The following KCNQ5 variants were observed in gnomAD, a reference collection of about 807,000 sequenced individuals.
KCNQ5 encodes potassium voltage-gated channel subfamily Q member 5, also known as potassium voltage-gated channel subfamily KQT member 5.
Under a neutral mutation model 98.2 loss-of-function variants are expected in KCNQ5, and 30 were observed. The ratio of observed to expected loss-of-function variants is 0.31; its 90% CI spans 0.23 to 0.41. The LOEUF (loss-of-function observed/expected upper bound fraction) is 0.41, where lower values mean the gene tolerates loss of function less well. Among genes scored for constraint, KCNQ5 ranks in the 10% least tolerant of loss-of-function variants. The pLI, the probability that KCNQ5 is intolerant of heterozygous loss-of-function variation, is 1.00. For missense variants in KCNQ5, 835 were observed against 1,182.5 expected (o/e 0.71, Z 4.31); for synonymous variants, 458 against 449.4 (o/e 1.02, Z -0.24).
chr6:72,928,702 G>T (rs1045358030), intron 1 of KCNQ5, among the ~76,000 whole-genome samples: 1 of 152,016 alleles, frequency 6.6e-6, no homozygotes, highest in African/African-American at 2.4e-5. Context: ...TATAGATATA[G>T]GTATGGAGTA....
chr6:72,652,436 C>T (rs1765925197), intron 1 of KCNQ5, among the ~76,000 whole-genome samples: 1 of 151,766 alleles, frequency 6.6e-6, no homozygotes, highest in Non-Finnish European at 1.5e-5. Context: ...TTTTCCCCCT[C>T]CCTCTTTACC....
At chr6:72,950,193 T>C (rs541334460) in intron 1 of KCNQ5, among the ~76,000 whole-genome samples, 3 of 152,332 alleles carry the variant, frequency 2.0e-5, no homozygotes, top group Non-Finnish European at 4.4e-5. Flanking sequence ...CTTGCTGCTT[T>C]TTAAAAAAAT....
At chr6:72,803,039 T>C (rs1320745490) in intron 1 of KCNQ5, among the ~76,000 whole-genome samples, 4 of 152,248 alleles carry the variant, frequency 2.6e-5, no homozygotes, top group East Asian at 1.9e-4. Flanking sequence ...TTCTAAGAGA[T>C]TGCACCAGGA....
intron 1 of KCNQ5, among the ~76,000 whole-genome samples, chr6:72,876,217 G>A (rs571346770): frequency 1.4e-4 from 21 of 152,024 alleles, no homozygotes; most frequent in Non-Finnish European, 2.5e-4. Flanking sequence ...CAGTAATTTC[G>A]TGGATAAATT....
At chr6:73,078,849 G>A (rs1176684698) in intron 5 of KCNQ5, among the ~76,000 whole-genome samples, 1 of 152,208 alleles carries the variant, frequency 6.6e-6, no homozygotes, top group African/African-American at 2.4e-5. Context: ...GTTTTCCACT[G>A]AAGCAAAAAT....
chr6:72,823,029 T>C (rs1188191753), intron 1 of KCNQ5, among the ~76,000 whole-genome samples: 1 of 152,138 alleles, frequency 6.6e-6, no homozygotes, highest in East Asian at 1.9e-4. Context: ...TATAGGATAA[T>C]CAACCCTCCC....
At chr6:72,703,114 C>G (rs953474433) in intron 1 of KCNQ5, among the ~76,000 whole-genome samples, 2 of 152,202 alleles carry the variant, frequency 1.3e-5, no homozygotes, top group Non-Finnish European at 2.9e-5. Context: ...CTATAGCAGA[C>G]AAGCTTTTAT....
chr6:73,192,716 C>A (rs955503911), intron 13 of KCNQ5, 25 bp downstream of exon 13: 2 of 1,512,040 alleles, frequency 1.3e-6, no homozygotes, highest in African/African-American at 1.4e-5. Context: ...CGCTGGGTAT[C>A]TTTTTAGCCA....
chr6:72,911,976 G>T (rs1375511139), intron 1 of KCNQ5, among the ~76,000 whole-genome samples: 1 of 151,986 alleles, frequency 6.6e-6, no homozygotes, highest in Admixed American at 6.6e-5. Flanking sequence ...TTCCCCTTTG[G>T]CAGTGCACAT....
At chr6:72,820,146 C>G (rs892543459) in intron 1 of KCNQ5, among the ~76,000 whole-genome samples, 2 of 152,186 alleles carry the variant, frequency 1.3e-5, no homozygotes, top group South Asian at 2.1e-4. Flanking sequence ...TTATATTTTT[C>G]TCTGTAGACA....
chr6:72,666,625 A>G (rs1565068308), intron 1 of KCNQ5, among the ~76,000 whole-genome samples: 3 of 152,194 alleles, frequency 2.0e-5, no homozygotes, highest in Admixed American at 1.3e-4. Flanking sequence ...ATTATTCAAA[A>G]TACTTACAAA....
chr6:72,772,391 G>C (rs923005959), intron 1 of KCNQ5, among the ~76,000 whole-genome samples: 3 of 152,170 alleles, frequency 2.0e-5, no homozygotes, highest in Admixed American at 1.3e-4. Context: ...TTAGAGAGTG[G>C]ACAGCAGGTT....
chr6:73,022,189 C>CAA (rs200076205), intron 2 of KCNQ5, among the ~76,000 whole-genome samples: 2 of 149,320 alleles, frequency 1.3e-5, no homozygotes, highest in Admixed American at 6.6e-5. Context: ...TCTCTAGATG[C>CAA]AAAAAAAAAG....
At chr6:72,981,765 A>G (rs571027292) in intron 1 of KCNQ5, among the ~76,000 whole-genome samples, 1 of 152,112 alleles carries the variant, frequency 6.6e-6, no homozygotes, top group African/African-American at 2.4e-5. Flanking sequence ...TGTTGATTTT[A>G]GATCTTTCCT....
At chr6:72,697,760 C>CT (rs1278523571) in intron 1 of KCNQ5, among the ~76,000 whole-genome samples, 5 of 151,948 alleles carry the variant, frequency 3.3e-5, no homozygotes, top group African/African-American at 7.3e-5. Flanking sequence ...AAAAGGGTTC[C>CT]TTTTTTCAGC....
At chr6:72,656,311 C>A (rs1475569188) in intron 1 of KCNQ5, among the ~76,000 whole-genome samples, 2 of 152,180 alleles carry the variant, frequency 1.3e-5, no homozygotes, top group Admixed American at 6.5e-5. Flanking sequence ...AAGGCAGCAG[C>A]TCTCCTCACC....
intron 5 of KCNQ5, among the ~76,000 whole-genome samples, chr6:73,096,016 T>C (rs1774477370): frequency 6.6e-6 from 1 of 152,144 alleles, no homozygotes; most frequent in African/African-American, 2.4e-5. Flanking sequence ...CAACAGGTCG[T>C]CTGCAAGCTG....
At chr6:72,803,593 GT>G (rs1774778242) in intron 1 of KCNQ5, among the ~76,000 whole-genome samples, 1 of 152,104 alleles carries the variant, frequency 6.6e-6, no homozygotes, top group African/African-American at 2.4e-5. Context: ...AACTCTGGAG[GT>G]TTGGCGACAT....
chr6:72,957,494 A>G (rs1004052793), intron 1 of KCNQ5, among the ~76,000 whole-genome samples: 1 of 152,086 alleles, frequency 6.6e-6, no homozygotes, highest in Non-Finnish European at 1.5e-5. Flanking sequence ...TAAAATGCCA[A>G]TACCAAGGCC....
Sources: gnomAD v4.1 joint callset for allele counts (sites outside exome capture counted in the v4.1 genomes callset) on GRCh38, gnomAD v4.1.1 for gene constraint, MANE v1.5 for transcripts, NCBI Gene and HGNC (gene_info 2026-07-23, HGNC 2026-07-21) for gene names.